The following CNTNAP2 variants were observed in gnomAD, a reference collection of about 807,000 sequenced individuals.
CNTNAP2 encodes the protein contactin associated protein 2, also known as contactin-associated protein-like 2.
Under a neutral mutation model 155.2 loss-of-function variants are expected in CNTNAP2, and 98 were observed. That is an observed-to-expected ratio of 0.63 (90% confidence interval 0.54 to 0.75). CNTNAP2 has a LOEUF of 0.75. Ranked by LOEUF, CNTNAP2 falls within the 30% of genes least tolerant of loss-of-function variation. CNTNAP2 has a pLI of 0.00. For missense variants in CNTNAP2, 1,727 were observed against 1,688.1 expected (o/e 1.02, Z -0.40); for synonymous variants, 651 against 631.2 (o/e 1.03, Z -0.47).
At chr7:147,162,111 A>G (rs1802038646) in intron 8 of CNTNAP2, 1 of 152,126 alleles carries the variant, frequency 6.6e-6, no homozygotes, top group African/African-American at 2.4e-5. Context: ...CACTTTTTGC[A>G]CACTCACAAA....
intron 1 of CNTNAP2, among the ~76,000 whole-genome samples, chr7:146,492,653 G>A (rs1029891088): frequency 2.6e-5 from 4 of 152,118 alleles, no homozygotes; most frequent in Admixed American, 2.6e-4. Context: ...TAAGGTTCAT[G>A]CTTCTTTCAT....
At chr7:147,895,149 T>G (rs769351418) in intron 13 of CNTNAP2, among the ~76,000 whole-genome samples, 8 of 150,568 alleles carry the variant, frequency 5.3e-5, no homozygotes, top group Non-Finnish European at 1.0e-4. Flanking sequence ...AATTTTTGTA[T>G]TTTTAGTAGA....
At chr7:147,862,411 C>A (rs374617747) in intron 13 of CNTNAP2, among the ~76,000 whole-genome samples, 18 of 152,186 alleles carry the variant, frequency 1.2e-4, no homozygotes, top group African/African-American at 4.1e-4. Flanking sequence ...TAACATGCAT[C>A]TTTCGTGTGC....
At chr7:147,582,270 C>A (rs1800516402) in intron 12 of CNTNAP2, among the ~76,000 whole-genome samples, 2 of 152,054 alleles carry the variant, frequency 1.3e-5, no homozygotes, top group African/African-American at 4.8e-5. Context: ...GGTTATCGAT[C>A]ATACTGTATA....
At chr7:147,902,073 C>T (rs944944808) in intron 13 of CNTNAP2, among the ~76,000 whole-genome samples, 10 of 152,194 alleles carry the variant, frequency 6.6e-5, no homozygotes, top group African/African-American at 2.2e-4. Flanking sequence ...TGACCAGTCA[C>T]GAGAATTGTA....
At chr7:147,579,227 C>A (rs182421756) in intron 12 of CNTNAP2, among the ~76,000 whole-genome samples, 11 of 152,178 alleles carry the variant, frequency 7.2e-5, no homozygotes, top group African/African-American at 2.6e-4. Flanking sequence ...GTTTCCCAGA[C>A]TTATGAAATA....
At chr7:146,122,087 G>A (rs1444989914) in intron 1 of CNTNAP2, among the ~76,000 whole-genome samples, 1 of 152,156 alleles carries the variant, frequency 6.6e-6, no homozygotes, top group Non-Finnish European at 1.5e-5. Flanking sequence ...CACTCTTAGA[G>A]TCTATGTCTA....
intron 1 of CNTNAP2, among the ~76,000 whole-genome samples, chr7:146,182,713 T>A (rs1798565798): frequency 6.6e-6 from 1 of 152,194 alleles, no homozygotes; most frequent in Admixed American, 6.6e-5. Flanking sequence ...TTTGAAAATA[T>A]CCTTCCCAAA....
At chr7:146,670,449 C>T (rs2642515) in intron 1 of CNTNAP2, among the ~76,000 whole-genome samples, 122,976 of 152,038 alleles carry the variant, frequency 0.81, 50,345 homozygotes, top group South Asian at 0.91. Flanking sequence ...AAAACTCTCA[C>T]TTCTAGATGT....
intron 1 of CNTNAP2, among the ~76,000 whole-genome samples, chr7:146,516,002 CCTT>C (rs1563115610): frequency 6.6e-6 from 1 of 152,054 alleles, no homozygotes; most frequent in African/African-American, 2.4e-5. Flanking sequence ...GCTTGAATCA[CCTT>C]CTACGATAGC....
intron 8 of CNTNAP2, among the ~76,000 whole-genome samples, chr7:147,180,063 G>C (rs1012534487): frequency 5.9e-5 from 9 of 152,248 alleles, no homozygotes; most frequent in African/African-American, 2.2e-4. Flanking sequence ...GAATACCCAG[G>C]AACAGGCCTG....
chr7:148,359,173 C>A (rs1481623206), intron 21 of CNTNAP2, among the ~76,000 whole-genome samples: 5 of 152,182 alleles, frequency 3.3e-5, no homozygotes, highest in Non-Finnish European at 5.9e-5. Flanking sequence ...GAACCATAGA[C>A]CTTACCATAT....
chr7:148,358,188 G>A (rs868713265), intron 21 of CNTNAP2, among the ~76,000 whole-genome samples: 1 of 152,208 alleles, frequency 6.6e-6, no homozygotes. Context: ...AGGGGGCTGG[G>A]AGAAGCAGGG....
intron 12 of CNTNAP2, among the ~76,000 whole-genome samples, chr7:147,570,873 T>C (rs1044534742): frequency 6.6e-6 from 1 of 152,256 alleles, no homozygotes; most frequent in Non-Finnish European, 1.5e-5. Context: ...CTCCTCATTT[T>C]AGATTCTGTA....
chr7:146,941,661 C>T (rs1797059935), intron 3 of CNTNAP2, among the ~76,000 whole-genome samples: 1 of 152,116 alleles, frequency 6.6e-6, no homozygotes, highest in African/African-American at 2.4e-5. Flanking sequence ...TTTATCATTT[C>T]TTCTAACACA....
chr7:148,325,304 A>G (rs1797867938), intron 21 of CNTNAP2, among the ~76,000 whole-genome samples: 1 of 152,264 alleles, frequency 6.6e-6, no homozygotes. Flanking sequence ...AACATCTAAG[A>G]GTAGATGATA....
At chr7:146,212,649 A>G (rs1169826828) in intron 1 of CNTNAP2, among the ~76,000 whole-genome samples, 1 of 152,206 alleles carries the variant, frequency 6.6e-6, no homozygotes. Context: ...ACAACTAAAT[A>G]TGAGTTTAAG....
At chr7:147,733,004 A>G (rs1054184134) in intron 13 of CNTNAP2, among the ~76,000 whole-genome samples, 2 of 152,142 alleles carry the variant, frequency 1.3e-5, no homozygotes, top group East Asian at 1.9e-4. Context: ...CTCTGATGGT[A>G]GTTTCTTTTT....
intron 9 of CNTNAP2, among the ~76,000 whole-genome samples, chr7:147,313,822 G>A (rs1214433674): frequency 6.6e-6 from 1 of 151,652 alleles, no homozygotes. Flanking sequence ...AGCTTGATGG[G>A]GATGGCATTG....
Sources: allele counts gnomAD v4.1 joint callset (sites outside exome capture counted in the v4.1 genomes callset), GRCh38; gene constraint gnomAD v4.1.1; transcripts MANE v1.5; gene names NCBI Gene and HGNC (gene_info 2026-07-23, HGNC 2026-07-21).